KCNMA1: variants seen among roughly 807,000 people sequenced by gnomAD.
KCNMA1 encodes the protein potassium calcium-activated channel subfamily M alpha 1.
Under a neutral mutation model 140.0 loss-of-function variants are expected in KCNMA1, and 29 were observed. The ratio of observed to expected loss-of-function variants is 0.21; its 90% CI spans 0.15 to 0.28. The LOEUF is 0.28. KCNMA1 is among the 10% of genes least tolerant of loss of function. The probability of loss-of-function intolerance (pLI) is 1.00; values close to 1 mark genes in which losing one functional copy is unlikely to be tolerated. For synonymous variants in KCNMA1, 612 were observed against 611.9 expected, an observed-to-expected ratio of 1.00 and a Z score of 0.00; for missense variants, 880 against 1,602.2, an observed-to-expected ratio of 0.55 and a Z score of 7.70.
chr10:77,466,259 G>A (rs1308485361), intron 1 of KCNMA1, among the ~76,000 whole-genome samples: 1 of 152,210 alleles, frequency 6.6e-6, no homozygotes, highest in Non-Finnish European at 1.5e-5. Context: ...GGGCAGGGGA[G>A]TAACTGATAT....
chr10:77,217,075 C>T (rs1050362975), intron 3 of KCNMA1, among the ~76,000 whole-genome samples: 4 of 152,014 alleles, frequency 2.6e-5, no homozygotes, highest in Non-Finnish European at 4.4e-5. Context: ...GAGGCTGAGG[C>T]GGGCGGATCA....
chr10:77,410,824 C>A (rs914582333), intron 1 of KCNMA1, among the ~76,000 whole-genome samples: 1 of 152,242 alleles, frequency 6.6e-6, no homozygotes, highest in Non-Finnish European at 1.5e-5. Context: ...GCTGCACCCT[C>A]ATTTCTCTCG....
At chr10:77,031,068 G>A (rs780571458) in intron 15 of KCNMA1, among the ~76,000 whole-genome samples, 12 of 152,170 alleles carry the variant, frequency 7.9e-5, no homozygotes, top group Non-Finnish European at 1.6e-4. Flanking sequence ...GAGCAACTAG[G>A]TCAAGGTCAA....
At chr10:77,500,692 A>C (rs1239698932) in intron 1 of KCNMA1, among the ~76,000 whole-genome samples, 1 of 152,226 alleles carries the variant, frequency 6.6e-6, no homozygotes, top group Non-Finnish European at 1.5e-5. Flanking sequence ...CAAAAATAAG[A>C]GGAGACAAGT....
At chr10:76,952,217 A>C in intron 21 of KCNMA1, 1 of 1,533,718 alleles carries the variant, frequency 6.5e-7, no homozygotes, top group Non-Finnish European at 8.8e-7. Flanking sequence ...AGTGCCATGA[A>C]TACATCAGAA....
At chr10:77,472,622 T>C (rs1163543369) in intron 1 of KCNMA1, among the ~76,000 whole-genome samples, 4 of 152,238 alleles carry the variant, frequency 2.6e-5, no homozygotes, top group African/African-American at 9.6e-5. Flanking sequence ...CATCCTACCA[T>C]GATAGCTCCT....
intron 5 of KCNMA1, chr10:77,147,706 C>G (rs150852334): frequency 6.6e-6 from 1 of 152,356 alleles, no homozygotes; most frequent in East Asian, 1.9e-4. Context: ...TATCCCACTT[C>G]CCATGGTGAG....
chr10:77,568,367 A>T (rs1412811461), intron 1 of KCNMA1, among the ~76,000 whole-genome samples: 1 of 152,236 alleles, frequency 6.6e-6, no homozygotes, highest in Non-Finnish European at 1.5e-5. Context: ...CCAGCAGCAC[A>T]TCAAAAAGCT....
intron 1 of KCNMA1, among the ~76,000 whole-genome samples, chr10:77,604,242 T>C (rs1055276982): frequency 1.3e-5 from 2 of 152,186 alleles, no homozygotes; most frequent in African/African-American, 2.4e-5. Context: ...CCTAAGCCCA[T>C]GGCTTTCACT....
intron 20 of KCNMA1, among the ~76,000 whole-genome samples, chr10:76,963,193 C>A (rs905250947): frequency 1.3e-5 from 2 of 152,104 alleles, no homozygotes; most frequent in Non-Finnish European, 2.9e-5. Flanking sequence ...TAGAGATGGG[C>A]CCCCATCACT....
chr10:77,109,430 A>C (rs73291904), intron 8 of KCNMA1, among the ~76,000 whole-genome samples: 3,052 of 152,242 alleles, frequency 0.02, 107 homozygotes, highest in African/African-American at 0.068. Context: ...ACTTAAAATG[A>C]GCTACTTTGA....
At chr10:77,491,720 C>T (rs1421255849) in intron 1 of KCNMA1, among the ~76,000 whole-genome samples, 2 of 41,240 alleles carry the variant, frequency 4.8e-5, no homozygotes, top group Non-Finnish European at 1.1e-4. Flanking sequence ...GTCATACACA[C>T]ACACACACAC....
At chr10:77,082,007 CTTTTTT>C (rs201288668) in intron 12 of KCNMA1, among the ~76,000 whole-genome samples, 4 of 32,514 alleles carry the variant, frequency 1.2e-4, no homozygotes, top group East Asian at 9.7e-4. Flanking sequence ...TTTTTCTTTT[CTTTTTT>C]TTTTTTTTTT....
chr10:77,131,479 A>T (rs1208683284), intron 5 of KCNMA1, among the ~76,000 whole-genome samples: 1 of 152,122 alleles, frequency 6.6e-6, no homozygotes, highest in Non-Finnish European at 1.5e-5. Flanking sequence ...CCTGACACAG[A>T]GTCATTCTAT....
intron 3 of KCNMA1, among the ~76,000 whole-genome samples, chr10:77,204,664 C>T (rs1158623373): frequency 6.6e-6 from 1 of 152,142 alleles, no homozygotes; most frequent in African/African-American, 2.4e-5. Flanking sequence ...CATTCTCTGA[C>T]CTGCTTCCTC....
chr10:76,960,094 A>C (rs2070425334), intron 20 of KCNMA1, among the ~76,000 whole-genome samples: 1 of 152,226 alleles, frequency 6.6e-6, no homozygotes, highest in African/African-American at 2.4e-5. Flanking sequence ...CAGTGTTCTA[A>C]GCAGCCAAGA....
At chr10:77,097,502 G>C (rs1045142118) in intron 9 of KCNMA1, among the ~76,000 whole-genome samples, 2 of 152,110 alleles carry the variant, frequency 1.3e-5, no homozygotes, top group Non-Finnish European at 2.9e-5. Context: ...CTATCCCATG[G>C]TAAGTGCAGA....
intron 1 of KCNMA1, among the ~76,000 whole-genome samples, chr10:77,501,766 T>C (rs1011734479): frequency 6.6e-6 from 1 of 152,096 alleles, no homozygotes; most frequent in African/African-American, 2.4e-5. Flanking sequence ...CTACCCATGG[T>C]GGGGTGGGAG....
chr10:77,531,237 T>C (rs1460101950), intron 1 of KCNMA1, among the ~76,000 whole-genome samples: 3 of 152,192 alleles, frequency 2.0e-5, no homozygotes, highest in Non-Finnish European at 4.4e-5. Flanking sequence ...TGAATGAAAG[T>C]CAAGAGATTG....
Sources: allele counts gnomAD v4.1 joint callset (sites outside exome capture counted in the v4.1 genomes callset), GRCh38; gene constraint gnomAD v4.1.1; transcripts MANE v1.5; gene names NCBI Gene and HGNC (gene_info 2026-07-23, HGNC 2026-07-21).